Variants in AUH observed in about 807,000 individuals in gnomAD.
AUH encodes AU RNA binding methylglutaconyl-CoA hydratase, also known as methylglutaconyl-CoA hydratase, mitochondrial.
Under a neutral mutation model 42.3 loss-of-function variants are expected in AUH, and 29 were observed. The observed-to-expected ratio is 0.69, with a 90% CI of 0.51 to 0.93. The LOEUF is 0.93. Among genes scored for constraint, AUH ranks in the 40% least tolerant of loss-of-function variants. The pLI is 0.00. For synonymous variants in AUH, 174 were observed against 166.4 expected, an observed-to-expected ratio of 1.05 and a Z score of -0.35; for missense variants, 452 against 438.1, an observed-to-expected ratio of 1.03 and a Z score of -0.28.
At chr9:91,353,292 T>C (rs895958633) in intron 3 of AUH, among the ~76,000 whole-genome samples, 4 of 152,102 alleles carry the variant, frequency 2.6e-5, no homozygotes, top group African/African-American at 9.7e-5. Context: ...TTCACTATGT[T>C]GGCCAGGCTG....
At chr9:91,279,032 T>C (rs1471472659) in intron 6 of AUH, among the ~76,000 whole-genome samples, 2 of 152,322 alleles carry the variant, frequency 1.3e-5, no homozygotes, top group East Asian at 3.9e-4. Flanking sequence ...TTCATTATCT[T>C]GGTTATGATT....
chr9:91,303,678 A>G (rs533563463), intron 4 of AUH, among the ~76,000 whole-genome samples: 1 of 152,342 alleles, frequency 6.6e-6, no homozygotes, highest in Admixed American at 6.5e-5. Context: ...TCCTACAGAA[A>G]GCAGTGAAAT....
chr9:91,284,394 C>G (rs1050375993), intron 6 of AUH, among the ~76,000 whole-genome samples: 1 of 152,104 alleles, frequency 6.6e-6, no homozygotes, highest in Admixed American at 6.6e-5. Context: ...ATTCAGGATA[C>G]AGGCATGGGA....
intron 6 of AUH, among the ~76,000 whole-genome samples, chr9:91,245,011 A>T (rs1828716957): frequency 6.6e-6 from 1 of 152,248 alleles, no homozygotes; most frequent in Admixed American, 6.5e-5. Context: ...TAGCTAGCTC[A>T]CAACTAATTC....
At chr9:91,352,926 A>G (rs1203547542) in intron 3 of AUH, among the ~76,000 whole-genome samples, 1 of 152,208 alleles carries the variant, frequency 6.6e-6, no homozygotes, top group Admixed American at 6.5e-5. Flanking sequence ...CCATTTGCTA[A>G]GCTTTAAATA....
At position 91,214,272 on chromosome 9, in the gene AUH, A is replaced by G; in HGVS notation, c.*76T>C. 2.4e-6 allele frequency: 3 copies of G among 1,237,700 alleles called. No individual in the cohort carries two copies. Among genetic ancestry groups the G allele is most frequent in the Non-Finnish European group, 3.5e-6 (3 of 860,628 alleles). The allele number at this position is 1,237,700 out of a possible 1,614,324, so 76.7% of individuals were successfully genotyped here. A position where few individuals can be genotyped will look rare whatever the true frequency, so the allele number is the denominator to read the frequency against. On this transcript the variant is annotated 3_prime_UTR_variant, in exon 10 of 10. Coordinates refer to ENST00000375731, the MANE Select transcript of AUH (RefSeq NM_001698.3). ...TTGGTCATTAAGGTTCCATGTGCTG[A>G]GGCATATAGTGGATCCGAAAGACAC...
chr9:91,360,573 T>G (rs961110892), intron 1 of AUH: 1 of 152,192 alleles, frequency 6.6e-6, no homozygotes, highest in African/African-American at 2.4e-5. Flanking sequence ...TTTTTCCTGT[T>G]TTACACGTGA....
intron 6 of AUH, among the ~76,000 whole-genome samples, chr9:91,240,532 T>C (rs2131337000): frequency 6.6e-6 from 1 of 152,320 alleles, no homozygotes; most frequent in East Asian, 1.9e-4. Context: ...TATCTGGAGC[T>C]GTACTTCCAG....
chr9:91,284,223 T>G (rs1483833024), intron 6 of AUH, among the ~76,000 whole-genome samples: 1 of 152,202 alleles, frequency 6.6e-6, no homozygotes, highest in Non-Finnish European at 1.5e-5. Context: ...AAGAATTCCC[T>G]ATTTAATAAA....
chr9:91,324,634 T>G (rs1219984730), intron 4 of AUH, among the ~76,000 whole-genome samples: 1 of 146,858 alleles, frequency 6.8e-6, no homozygotes, highest in East Asian at 2.0e-4. Context: ...AATGTTGAGT[T>G]TTTTTTTTTT....
At chr9:91,223,132 T>C (rs555372255) in intron 6 of AUH, among the ~76,000 whole-genome samples, 50 of 152,346 alleles carry the variant, frequency 3.3e-4, no homozygotes, top group African/African-American at 1.1e-3. Context: ...CTGGCGGGCC[T>C]GCGGTGGAGG....
chr9:91,295,895 G>C (rs763362508), intron 6 of AUH, 126 bp downstream of exon 6: 2 of 1,050,254 alleles, frequency 1.9e-6, no homozygotes, highest in Non-Finnish European at 2.9e-6. Flanking sequence ...CTTTGCTAGG[G>C]ATGCAAACAA....
chr9:91,313,433 C>T (rs1390501631), intron 4 of AUH, among the ~76,000 whole-genome samples: 2 of 152,014 alleles, frequency 1.3e-5, no homozygotes, highest in African/African-American at 4.8e-5. Context: ...TGGCCGGGCG[C>T]GGTGGCTCAC....
intron 6 of AUH, among the ~76,000 whole-genome samples, chr9:91,249,335 T>C (rs1194072279): frequency 7.1e-6 from 1 of 140,840 alleles, no homozygotes; most frequent in East Asian, 2.1e-4. Flanking sequence ...AACACAATAT[T>C]TCTGAACACT....
chr9:91,275,870 T>C (rs1254004579), intron 6 of AUH, among the ~76,000 whole-genome samples: 1 of 152,218 alleles, frequency 6.6e-6, no homozygotes, highest in African/African-American at 2.4e-5. Context: ...ACAGCACATC[T>C]GAACATCAAA....
intron 6 of AUH, among the ~76,000 whole-genome samples, chr9:91,249,748 A>C (rs1156888725): frequency 6.6e-6 from 1 of 152,190 alleles, no homozygotes; most frequent in Non-Finnish European, 1.5e-5. Context: ...GCAGTGGCTC[A>C]CACCTATAAT....
In AUH at chr9:91,248,761, T is replaced by C. The variant is rs188112859; in HGVS notation, c.656-27769A>G. On this transcript the variant is annotated intron_variant, in intron 6 of 9. Transcript: ENST00000375731. ...AAAACCATTTCCCCTCACAACAACA[T>C]TATAAAGGAACAAGGATGAACAAAA... 3.3e-5 allele frequency among the ~76,000 whole-genome samples: 5 copies of C among 152,212 alleles called. No homozygotes were observed. The East Asian group carries it at 9.7e-4, about 29-fold the overall frequency.
chr9:91,305,752 C>T (rs1235485277), intron 4 of AUH, among the ~76,000 whole-genome samples: 1 of 152,154 alleles, frequency 6.6e-6, no homozygotes, highest in Non-Finnish European at 1.5e-5. Flanking sequence ...TCATGACTTT[C>T]AATTTATAGA....
intron 4 of AUH, among the ~76,000 whole-genome samples, chr9:91,307,349 T>A (rs1319043442): frequency 6.6e-6 from 1 of 152,236 alleles, no homozygotes; most frequent in Non-Finnish European, 1.5e-5. Context: ...CAAGGGCTGA[T>A]GCAGAGATAT....
Sources: gnomAD v4.1 joint callset for allele counts (sites outside exome capture counted in the v4.1 genomes callset) on GRCh38, gnomAD v4.1.1 for gene constraint, MANE v1.5 for transcripts, NCBI Gene and HGNC (gene_info 2026-07-23, HGNC 2026-07-21) for gene names.